The following SGCG variants were observed in gnomAD, a reference collection of about 807,000 sequenced individuals.
SGCG encodes sarcoglycan gamma, also known as gamma-sarcoglycan.
SGCG carries 26 observed loss-of-function variants against 29.3 expected under a neutral mutation model. The observed-to-expected ratio is 0.89, with a 90% confidence interval of 0.65 to 1.23. The LOEUF (loss-of-function observed/expected upper bound fraction) is 1.23, where lower values mean the gene tolerates loss of function less well. SGCG is among the 50% of genes most tolerant of loss of function. The pLI is 0.00. For synonymous variants in SGCG, 145 were observed against 129.7 expected (o/e 1.12, Z -0.80); for missense variants, 353 against 356.0 (o/e 0.99, Z 0.07).
intron 4 of SGCG, among the ~76,000 whole-genome samples, chr13:23,269,562 A>G (rs1029860306): frequency 2.0e-5 from 3 of 152,320 alleles, no homozygotes; most frequent in Admixed American, 2.0e-4. Context: ...AAAAATGACC[A>G]CATATATGTT....
At chr13:23,161,854 T>A in the SGCG span, among the ~76,000 whole-genome samples, 1 of 152,366 alleles carries the variant, frequency 6.6e-6, no homozygotes, top group South Asian at 2.1e-4. Context: ...TTTTGCTGAA[T>A]CAGACAGACA....
At chr13:23,211,853 C>T (rs1051819600) in intron 2 of SGCG, among the ~76,000 whole-genome samples, 1 of 152,144 alleles carries the variant, frequency 6.6e-6, no homozygotes, top group African/African-American at 2.4e-5. Flanking sequence ...CGTACAGTCA[C>T]ATCATTATGG....
chr13:23,201,016 G>A lies in SGCG; in HGVS notation c.1-2679G>A, dbSNP rs149596052. 2.0e-4 allele frequency among the ~76,000 whole-genome samples: 30 copies of A among 152,288 alleles called. No homozygotes were observed. The East Asian group carries it at 5.6e-3, about 28-fold the overall frequency. On this transcript the variant is annotated intron_variant, in intron 1 of 7. Coordinates refer to ENST00000218867, the MANE Select transcript of SGCG (RefSeq NM_000231.3). ...AAGCCACGGGAAGGTTTGTTGCAGA[G>A]GTGGGGCATGAGCCGATGCATGTTT...
At chr13:23,279,764 G>T (rs556407803) in intron 5 of SGCG, among the ~76,000 whole-genome samples, 1 of 118,848 alleles carries the variant, frequency 8.4e-6, no homozygotes, top group East Asian at 2.3e-4. Context: ...GTCTCGCTCT[G>T]TTGCCCAGGC....
intron 4 of SGCG, among the ~76,000 whole-genome samples, chr13:23,276,787 G>A (rs904465251): frequency 6.6e-6 from 1 of 152,196 alleles, no homozygotes; most frequent in African/African-American, 2.4e-5. Flanking sequence ...GTCTCCGGAC[G>A]CTGCTCTTAG....
chr13:23,170,946 G>A, the SGCG span, among the ~76,000 whole-genome samples: 1 of 152,178 alleles, frequency 6.6e-6, no homozygotes, highest in Non-Finnish European at 1.5e-5. Flanking sequence ...GACCCATGAT[G>A]TCGATTTGAA....
At chr13:23,304,400 C>A (rs1170328506) in intron 6 of SGCG, among the ~76,000 whole-genome samples, 2 of 151,908 alleles carry the variant, frequency 1.3e-5, no homozygotes, top group Non-Finnish European at 2.9e-5. Context: ...CTAATTTTAT[C>A]TTTTCCAGTT....
chr13:23,322,524 C>T (rs1280894072), intron 7 of SGCG, among the ~76,000 whole-genome samples: 2 of 152,166 alleles, frequency 1.3e-5, no homozygotes, highest in African/African-American at 2.4e-5. Context: ...TCAGGGTTTG[C>T]CACTCCCAGA....
At chr13:23,272,885 G>A (rs1218892737) in intron 4 of SGCG, among the ~76,000 whole-genome samples, 1 of 152,106 alleles carries the variant, frequency 6.6e-6, no homozygotes, top group African/African-American at 2.4e-5. Flanking sequence ...TGGTTTTCAA[G>A]CTTATTTGCA....
chr13:23,297,837 C>T (rs543468911), intron 6 of SGCG, among the ~76,000 whole-genome samples: 123 of 151,686 alleles, frequency 8.1e-4, no homozygotes, highest in South Asian at 2.1e-4. Context: ...CTCTGCCTCC[C>T]GGATTCAAGC....
At chr13:23,277,898 C>T (rs1450571345) in intron 4 of SGCG, among the ~76,000 whole-genome samples, 1 of 151,982 alleles carries the variant, frequency 6.6e-6, no homozygotes, top group Non-Finnish European at 1.5e-5. Flanking sequence ...CTGGGTTTCA[C>T]CGTGTTAGCC....
the SGCG span, among the ~76,000 whole-genome samples, chr13:23,166,253 A>G: frequency 6.7e-6 from 1 of 149,708 alleles, no homozygotes; most frequent in East Asian, 1.9e-4. Flanking sequence ...TTGTTTTTTG[A>G]GGCAGAGTCT....
At chr13:23,316,355 C>G (rs141350889) in intron 6 of SGCG, among the ~76,000 whole-genome samples, 2,954 of 152,332 alleles carry the variant, frequency 0.019, 106 homozygotes, top group African/African-American at 0.068. Context: ...TGGTATTCCA[C>G]ACAGCATTGC....
At chr13:23,215,014 T>G (rs961883939) in intron 2 of SGCG, among the ~76,000 whole-genome samples, 6 of 152,194 alleles carry the variant, frequency 3.9e-5, no homozygotes, top group African/African-American at 1.4e-4. Context: ...AATAGCACTA[T>G]AGTTTTAATT....
At chr13:23,309,467 C>T (rs1404096589) in intron 6 of SGCG, among the ~76,000 whole-genome samples, 3 of 151,742 alleles carry the variant, frequency 2.0e-5, no homozygotes, top group Non-Finnish European at 4.4e-5. Flanking sequence ...ATGATAGTGC[C>T]GAAAAAAGAG....
chr13:23,191,720 G>A (rs1262848388), intron 1 of SGCG, among the ~76,000 whole-genome samples: 2 of 152,142 alleles, frequency 1.3e-5, no homozygotes, highest in Non-Finnish European at 2.9e-5. Context: ...GCAAAAGTAG[G>A]AATAATGCTT....
chr13:23,178,965 G>T (rs3764064), upstream of SGCG, among the ~76,000 whole-genome samples: 31,645 of 152,088 alleles, frequency 0.21, 3,974 homozygotes, highest in East Asian at 0.33. Context: ...GGGGAAGCCA[G>T]AAAGGTCCCC....
intron 4 of SGCG, among the ~76,000 whole-genome samples, chr13:23,261,549 A>G (rs1880439136): frequency 6.6e-6 from 1 of 152,128 alleles, no homozygotes; most frequent in African/African-American, 2.4e-5. Context: ...GTGTCCTGAG[A>G]GAAAAGAAAA....
At chr13:23,177,887 G>A (rs1366987914), upstream of SGCG, among the ~76,000 whole-genome samples, 1 of 152,026 alleles carries the variant, frequency 6.6e-6, no homozygotes, top group African/African-American at 2.4e-5. Context: ...CCTGTGAGCA[G>A]ACTTTTAAAA....
Sources: gnomAD v4.1 joint callset for allele counts (sites outside exome capture counted in the v4.1 genomes callset) on GRCh38, gnomAD v4.1.1 for gene constraint, MANE v1.5 for transcripts, NCBI Gene and HGNC (gene_info 2026-07-23, HGNC 2026-07-21) for gene names.